KCNIP1: variants seen among roughly 807,000 people sequenced by gnomAD.
KCNIP1 encodes the protein A-type potassium channel modulatory protein KCNIP1.
KCNIP1 carries 18 observed loss-of-function variants against 33.0 expected under a neutral mutation model. The ratio of observed to expected loss-of-function variants is 0.55; its 90% CI spans 0.38 to 0.81. KCNIP1 has a LOEUF of 0.81. Ranked by LOEUF, KCNIP1 falls within the 30% of genes least tolerant of loss-of-function variation. The probability of loss-of-function intolerance (pLI) is 0.00; values close to 1 mark genes in which losing one functional copy is unlikely to be tolerated. For synonymous variants in KCNIP1, 93 were observed against 98.3 expected (o/e 0.95, Z 0.32); for missense variants, 238 against 271.6 (o/e 0.88, Z 0.87).
At chr5:170,708,293 A>G (rs1176149848) in intron 1 of KCNIP1, among the ~76,000 whole-genome samples, 1 of 152,236 alleles carries the variant, frequency 6.6e-6, no homozygotes, top group Admixed American at 6.5e-5. Flanking sequence ...AGAAAAGATT[A>G]CATCTTCAAA....
chr5:170,513,928 C>T (rs1353968505), intron 1 of KCNIP1, among the ~76,000 whole-genome samples: 2 of 152,130 alleles, frequency 1.3e-5, no homozygotes, highest in African/African-American at 4.8e-5. Context: ...TTGTAGGAGT[C>T]CTGTAATGGT....
At chr5:170,602,093 A>G (rs1758717880) in intron 1 of KCNIP1, among the ~76,000 whole-genome samples, 1 of 152,190 alleles carries the variant, frequency 6.6e-6, no homozygotes, top group African/African-American at 2.4e-5. Flanking sequence ...GCACATGCCA[A>G]CCTTTCTGTG....
intron 1 of KCNIP1, among the ~76,000 whole-genome samples, chr5:170,407,428 A>G (rs963618582): frequency 1.3e-5 from 2 of 152,234 alleles, no homozygotes; most frequent in African/African-American, 4.8e-5. Flanking sequence ...CCTTCTATCC[A>G]TAAGTGTAAC....
chr5:170,486,038 CCTT>C (rs369637113), intron 1 of KCNIP1: 52 of 152,474 alleles, frequency 3.4e-4, no homozygotes, highest in East Asian at 7.7e-4. Flanking sequence ...TCCTCCTCCT[CCTT>C]CTTCTTCTTC....
At chr5:170,498,234 G>A (rs984114501) in intron 1 of KCNIP1, among the ~76,000 whole-genome samples, 17 of 152,320 alleles carry the variant, frequency 1.1e-4, no homozygotes, top group African/African-American at 3.8e-4. Flanking sequence ...CCTGTGTCAG[G>A]CACTTTTGTA....
intron 1 of KCNIP1, among the ~76,000 whole-genome samples, chr5:170,357,126 T>A (rs1763368834): frequency 6.9e-6 from 1 of 145,620 alleles, no homozygotes; most frequent in African/African-American, 2.6e-5. Context: ...AGAATCTCTT[T>A]GGCATTAAAA....
At position 170,710,632 on chromosome 5, in the gene KCNIP1, T is replaced by C. The variant is rs543353332; in HGVS notation, c.62-8126T>C. Among the ~76,000 whole-genome samples, 405 of 152,354 alleles carry C rather than the reference T, an allele frequency of 2.7e-3. 1 individual carries two copies. The highest frequency in any genetic ancestry group is 4.2e-3 in the Non-Finnish European group (287 of 68,032). ...AATCCAAACAGGGACTGAGCTGTTTTCATGCAGGCTGCCTTGGTAGCTCTC... is the reference window on the plus strand; with the variant it reads ...AATCCAAACAGGGACTGAGCTGTTTCCATGCAGGCTGCCTTGGTAGCTCTC... On this transcript the variant is annotated intron_variant, in intron 1 of 7. Coordinates refer to ENST00000328939, the MANE Select transcript of KCNIP1 (RefSeq NM_014592.4).
intron 1 of KCNIP1, among the ~76,000 whole-genome samples, chr5:170,626,173 G>A (rs528490492): frequency 6.6e-6 from 1 of 152,270 alleles, no homozygotes; most frequent in East Asian, 1.9e-4. Context: ...CTGTATGCAT[G>A]CCAGGCCTGT....
At chr5:170,718,644 G>A in intron 1 of KCNIP1, 114 bp from the exon 2 acceptor site, 1 of 1,272,744 alleles carries the variant, frequency 7.9e-7, no homozygotes. Flanking sequence ...TGTGACCCCA[G>A]CCCACAGTCC....
chr5:170,726,360 C>G (rs1156520072), intron 5 of KCNIP1, among the ~76,000 whole-genome samples: 1 of 152,032 alleles, frequency 6.6e-6, no homozygotes, highest in Admixed American at 6.6e-5. Flanking sequence ...ATATGAATGG[C>G]CAGTAAACCC....
chr5:170,646,058 ATAATCT>A (rs1234512920), intron 1 of KCNIP1, among the ~76,000 whole-genome samples: 1 of 152,274 alleles, frequency 6.6e-6, no homozygotes, highest in African/African-American at 2.4e-5. Context: ...GAAGAAATAG[ATAATCT>A]TAATAGCCCT....
chr5:170,478,192 G>T (rs922038236), intron 1 of KCNIP1, among the ~76,000 whole-genome samples: 1 of 152,184 alleles, frequency 6.6e-6, no homozygotes, highest in Non-Finnish European at 1.5e-5. Context: ...GGCAGGTAAA[G>T]ATTTGGGGCT....
chr5:170,692,001 A>C (rs966626306), intron 1 of KCNIP1, among the ~76,000 whole-genome samples: 3 of 152,262 alleles, frequency 2.0e-5, no homozygotes, highest in African/African-American at 4.8e-5. Context: ...CAACTAATAG[A>C]GTTTTCCTGG....
At chr5:170,614,675 C>T (rs1759300004) in intron 1 of KCNIP1, among the ~76,000 whole-genome samples, 1 of 152,214 alleles carries the variant, frequency 6.6e-6, no homozygotes, top group Non-Finnish European at 1.5e-5. Flanking sequence ...TCAGCCCTAT[C>T]AGATTTGGAG....
intron 1 of KCNIP1, among the ~76,000 whole-genome samples, chr5:170,636,997 C>T (rs1760310424): frequency 6.6e-6 from 1 of 152,008 alleles, no homozygotes; most frequent in Non-Finnish European, 1.5e-5. Flanking sequence ...GTTGGCCCCA[C>T]CCCCAACCCA....
At chr5:170,358,626 G>GTAAGCC in intron 1 of KCNIP1, among the ~76,000 whole-genome samples, 1 of 152,212 alleles carries the variant, frequency 6.6e-6, no homozygotes, top group East Asian at 1.9e-4. Context: ...GTTTTTTAAT[G>GTAAGCC]TAATGATGAT....
At chr5:170,457,772 G>A (rs1463126790) in intron 1 of KCNIP1, among the ~76,000 whole-genome samples, 2 of 152,094 alleles carry the variant, frequency 1.3e-5, no homozygotes, top group African/African-American at 4.8e-5. Flanking sequence ...CTAGTAATAT[G>A]ACAAAACAAG....
chr5:170,395,416 G>C (rs546202972), intron 1 of KCNIP1, among the ~76,000 whole-genome samples: 1 of 152,280 alleles, frequency 6.6e-6, no homozygotes, highest in Non-Finnish European at 1.5e-5. Context: ...TGGCTAAGTC[G>C]GGATAGATTT....
chr5:170,635,972 T>G (rs898559585), intron 1 of KCNIP1, among the ~76,000 whole-genome samples: 1 of 152,208 alleles, frequency 6.6e-6, no homozygotes, highest in African/African-American at 2.4e-5. Context: ...CCAACAGGAC[T>G]TGCCAGTGGG....
Sources: allele counts gnomAD v4.1 joint callset (sites outside exome capture counted in the v4.1 genomes callset), GRCh38; gene constraint gnomAD v4.1.1; transcripts MANE v1.5; gene names NCBI Gene and HGNC (gene_info 2026-07-23, HGNC 2026-07-21).